ACER2: variants seen among roughly 807,000 people sequenced by gnomAD.
The protein encoded by ACER2 is alkCDase 2.
ACER2 carries 26 observed loss-of-function variants against 34.7 expected under a neutral mutation model. The ratio of observed to expected loss-of-function variants is 0.75; its 90% CI spans 0.55 to 1.04. The LOEUF (loss-of-function observed/expected upper bound fraction) is 1.04. Among genes scored for constraint, ACER2 ranks in the 50% least tolerant of loss-of-function variants. The probability of loss-of-function intolerance (pLI) is 0.00; values close to 1 mark genes in which losing one functional copy is unlikely to be tolerated. For synonymous variants in ACER2, 138 were observed against 132.1 expected (o/e 1.04, Z -0.31); for missense variants, 352 against 340.8 (o/e 1.03, Z -0.26).
intron 1 of ACER2, among the ~76,000 whole-genome samples, chr9:19,409,444 CTT>C (rs899044411): frequency 1.3e-5 from 2 of 152,192 alleles, no homozygotes; most frequent in Non-Finnish European, 2.9e-5. Context: ...GTCCTATTGT[CTT>C]GTTTGGCCCC....
Position 19,423,988 on chromosome 9 carries a change from C to A in ACER2, c.223+12C>A. 1.9e-6 allele frequency: 3 copies of A among 1,582,610 alleles called. No individual in the cohort carries two copies. Among genetic ancestry groups the A allele is most frequent in the South Asian group, 1.1e-5 (1 of 90,432 alleles). On this transcript the variant is annotated intron_variant, in intron 2 of 5. Coordinates refer to ENST00000340967, the MANE Select transcript of ACER2 (RefSeq NM_001010887.3). ...TTTGGTTGTAGTGGGTAAGTGGAGT[C>A]ATTTGGGAACACGGACTTAATGGGG...
intron 1 of ACER2, among the ~76,000 whole-genome samples, chr9:19,412,580 G>C (rs1830116056): frequency 1.3e-5 from 2 of 151,472 alleles, no homozygotes; most frequent in African/African-American, 4.9e-5. Context: ...GCTTGAACCT[G>C]GGAGGTGAAG....
intron 1 of ACER2, among the ~76,000 whole-genome samples, chr9:19,411,929 C>G (rs1326674179): frequency 6.6e-6 from 1 of 152,072 alleles, no homozygotes; most frequent in Non-Finnish European, 1.5e-5. Context: ...TTTATTATAT[C>G]CATTTGATAA....
In ACER2 at chr9:19,410,574, G is replaced by T. The variant is rs528395770; in HGVS notation, c.108+1382G>T. Among the ~76,000 whole-genome samples, 79 of 152,298 alleles carry T rather than the reference G, an allele frequency of 5.2e-4. No homozygotes were observed. The South Asian group carries it at 0.014, about 28-fold the overall frequency. On this transcript the variant is annotated intron_variant, in intron 1 of 5. Coordinates refer to ENST00000340967, the MANE Select transcript of ACER2 (RefSeq NM_001010887.3). ...AAAAATACAAAAATTAGCTGGACAT[G>T]TGGCACACACTTGTCGTCCCAGCTA... is the stretch of plus-strand genomic sequence containing the variant.
chr9:19,419,986 C>A (rs981751252), intron 1 of ACER2, among the ~76,000 whole-genome samples: 1 of 152,112 alleles, frequency 6.6e-6, no homozygotes, highest in Admixed American at 6.6e-5. Flanking sequence ...CATGCTTACC[C>A]GCTCTCCTCC....
intron 4 of ACER2, among the ~76,000 whole-genome samples, chr9:19,441,073 A>C (rs1368556832): frequency 6.9e-6 from 1 of 143,950 alleles, no homozygotes; most frequent in Non-Finnish European, 1.5e-5. Flanking sequence ...TTTGAGACAG[A>C]GTCCTACTGT....
At chr9:19,424,261 C>T in intron 2 of ACER2, 1 of 693,142 alleles carries the variant, frequency 1.4e-6, no homozygotes, top group Non-Finnish European at 1.8e-6. Context: ...AACAACTGAA[C>T]TCTGGGGAGG....
intron 1 of ACER2, chr9:19,409,768 C>G: frequency 1.0e-6 from 1 of 984,960 alleles, no homozygotes; most frequent in Non-Finnish European, 1.2e-6. Context: ...TTTTTCTTGC[C>G]TTTAGTGTCC....
chr9:19,417,380 A>T (rs116664406), intron 1 of ACER2, among the ~76,000 whole-genome samples: 1 of 152,206 alleles, frequency 6.6e-6, no homozygotes, highest in African/African-American at 2.4e-5. Context: ...ACTACTTTAA[A>T]TTTCATATGG....
intron 1 of ACER2, 31 bp downstream of exon 1, chr9:19,409,223 G>T (rs1305074051): frequency 3.9e-6 from 6 of 1,553,666 alleles, no homozygotes; most frequent in South Asian, 3.6e-5. Flanking sequence ...GAAGGCAGGC[G>T]GGCCAGCGGG....
rs139335534 is a variant in ACER2, at chr9:19,451,683, C to G, written c.*1047C>G. 1.3e-5 allele frequency: 2 copies of G among 152,298 alleles called. No individual in the cohort carries two copies. The highest frequency in any genetic ancestry group is 1.9e-4 in the East Asian group (1 of 5,190). 9.4% of individuals were successfully genotyped at this position (152,298 alleles called of 1,614,324 possible). A position where few individuals can be genotyped will look rare whatever the true frequency, so the allele number is the denominator to read the frequency against. On this transcript the variant is annotated 3_prime_UTR_variant, in exon 6 of 6. Coordinates refer to ENST00000340967, the MANE Select transcript of ACER2 (RefSeq NM_001010887.3). ...ATTATGGCATGAACATTCCCACAGA[C>G]CCACCATCTTTAAGACTTGACCTCT... is the stretch of plus-strand genomic sequence containing the variant.
rs532077122 is a variant in ACER2, at chr9:19,441,312, T to G, written c.504-4969T>G. Among the ~76,000 whole-genome samples, 19 of 152,216 alleles carry G rather than the reference T, an allele frequency of 1.2e-4. No individual in the cohort carries two copies. In the East Asian group the frequency reaches 1.9e-3, roughly 16 times the overall value. On this transcript the variant is annotated intron_variant, in intron 4 of 5. Coordinates refer to ENST00000340967, the MANE Select transcript of ACER2 (RefSeq NM_001010887.3). ...GATCTGCCCTCCTTGGCCTCCCAAA[T>G]TGCTGAGATTACAGGCATGAGCCAC... is the stretch of plus-strand genomic sequence containing the variant.
intron 4 of ACER2, 92 bp from the exon 5 acceptor site, chr9:19,446,189 A>G: frequency 6.3e-7 from 1 of 1,583,210 alleles, no homozygotes; most frequent in African/African-American, 1.3e-5. Context: ...TGTAGGCATG[A>G]GAGGAACCAG....
At chr9:19,412,514 T>C (rs1363392357) in intron 1 of ACER2, among the ~76,000 whole-genome samples, 1 of 151,830 alleles carries the variant, frequency 6.6e-6, no homozygotes, top group Non-Finnish European at 1.5e-5. Flanking sequence ...TTTAGCTGGT[T>C]GTGGTGGTGC....
At chr9:19,428,437 G>A (rs932165732) in intron 3 of ACER2, among the ~76,000 whole-genome samples, 1 of 152,020 alleles carries the variant, frequency 6.6e-6, no homozygotes, top group African/African-American at 2.4e-5. Context: ...CAAAGTACTG[G>A]GATTACAGGT....
chr9:19,439,526 G>A (rs1322155228), intron 4 of ACER2, among the ~76,000 whole-genome samples: 2 of 151,998 alleles, frequency 1.3e-5, no homozygotes, highest in Non-Finnish European at 2.9e-5. Flanking sequence ...TGTAGTTTTA[G>A]TAGAGACCCA....
chr9:19,451,500 G>C lies in ACER2; in HGVS notation c.*864G>C, dbSNP rs1441665195. ...GACTTCAGATAAACGTGAAGCTAAT[G>C]AGTAAAACCCTCTCTGCCAAAACCT... On this transcript the variant is annotated 3_prime_UTR_variant, in exon 6 of 6. Coordinates refer to ENST00000340967, the MANE Select transcript of ACER2 (RefSeq NM_001010887.3). 1 of 152,568 alleles carries C rather than the reference G, an allele frequency of 6.6e-6. No individual in the cohort carries two copies. Among genetic ancestry groups the C allele is most frequent in the African/African-American group, 2.4e-5 (1 of 41,420 alleles). The allele number at this position is 152,568 out of a possible 1,614,324, so 9.5% of individuals were successfully genotyped here.
intron 1 of ACER2, among the ~76,000 whole-genome samples, chr9:19,421,328 C>G (rs1830399572): frequency 1.3e-5 from 2 of 152,006 alleles, no homozygotes; most frequent in African/African-American, 4.8e-5. Context: ...ACATTCAGAC[C>G]ATAGTACCCA....
At chr9:19,431,410 G>A (rs7021844) in intron 3 of ACER2, among the ~76,000 whole-genome samples, 12 of 152,142 alleles carry the variant, frequency 7.9e-5, no homozygotes, top group Admixed American at 5.2e-4. Flanking sequence ...TGACCTGTGC[G>A]TAATTCTTAA....
Sources: allele counts gnomAD v4.1 joint callset (sites outside exome capture counted in the v4.1 genomes callset), GRCh38; gene constraint gnomAD v4.1.1; transcripts MANE v1.5; gene names NCBI Gene and HGNC (gene_info 2026-07-23, HGNC 2026-07-21).